The following GABBR2 variants were observed in gnomAD, a reference collection of about 807,000 sequenced individuals.
The protein encoded by GABBR2 is gamma-aminobutyric acid type B receptor subunit 2, also known as G-protein coupled receptor 51.
In GABBR2, 23 loss-of-function variants were observed where a neutral mutation model predicts 105.6. That is an observed-to-expected ratio of 0.22 (90% confidence interval 0.16 to 0.31). The LOEUF (loss-of-function observed/expected upper bound fraction) is 0.31. Ranked by LOEUF, GABBR2 falls within the 10% of genes least tolerant of loss-of-function variation. The probability of loss-of-function intolerance (pLI) is 1.00; values close to 1 mark genes in which losing one functional copy is unlikely to be tolerated. For missense variants in GABBR2, 734 were observed against 1,245.5 expected (o/e 0.59, Z 6.18); for synonymous variants, 478 against 499.7 (o/e 0.96, Z 0.58).
chr9:98,418,729 G>T (rs1832731128), intron 7 of GABBR2, among the ~76,000 whole-genome samples: 1 of 152,244 alleles, frequency 6.6e-6, no homozygotes. Context: ...GACAGATGGA[G>T]GGTGATGCCT....
chr9:98,570,156 G>T (rs1026125633), intron 2 of GABBR2, among the ~76,000 whole-genome samples: 3 of 152,146 alleles, frequency 2.0e-5, no homozygotes, highest in Non-Finnish European at 4.4e-5. Context: ...TCCCTCACAT[G>T]AACTTCTCCA....
At chr9:98,340,285 A>C (rs1831189075) in intron 13 of GABBR2, among the ~76,000 whole-genome samples, 1 of 151,846 alleles carries the variant, frequency 6.6e-6, no homozygotes, top group East Asian at 1.9e-4. Context: ...ACCCAGATTC[A>C]ATCTTAGTTC....
intron 13 of GABBR2, among the ~76,000 whole-genome samples, chr9:98,333,725 C>T (rs372318567): frequency 2.0e-5 from 3 of 152,152 alleles, no homozygotes; most frequent in South Asian, 4.1e-4. Context: ...ATGCATATAT[C>T]GTTTAGGGGG....
At chr9:98,300,290 T>C (rs1450312271) in intron 16 of GABBR2, among the ~76,000 whole-genome samples, 4 of 151,986 alleles carry the variant, frequency 2.6e-5, no homozygotes, top group East Asian at 1.9e-4. Flanking sequence ...GAGGAGTTAA[T>C]CAGGATGGGT....
chr9:98,504,376 T>A (rs1827464059), intron 3 of GABBR2, among the ~76,000 whole-genome samples: 1 of 152,166 alleles, frequency 6.6e-6, no homozygotes, highest in African/African-American at 2.4e-5. Flanking sequence ...TCCAGAGATC[T>A]CAAGGCACTC....
intron 2 of GABBR2, among the ~76,000 whole-genome samples, chr9:98,561,128 G>A (rs1828668599): frequency 6.6e-6 from 1 of 151,926 alleles, no homozygotes; most frequent in African/African-American, 2.4e-5. Context: ...ACAGGCCTAG[G>A]TTGGCTTTAT....
At chr9:98,353,863 A>C (rs1399076936) in intron 13 of GABBR2, among the ~76,000 whole-genome samples, 1 of 152,076 alleles carries the variant, frequency 6.6e-6, no homozygotes, top group African/African-American at 2.4e-5. Context: ...TTCTCACGAG[A>C]TCTAATAATT....
chr9:98,487,290 T>C (rs1827076641), intron 4 of GABBR2, among the ~76,000 whole-genome samples: 2 of 152,180 alleles, frequency 1.3e-5, no homozygotes, highest in Admixed American at 1.3e-4. Flanking sequence ...ACTCCTGGCC[T>C]GTGGGAGTGG....
chr9:98,389,112 A>G, intron 9 of GABBR2, 108 bp from the exon 10 acceptor site: 3 of 877,544 alleles, frequency 3.4e-6, no homozygotes, highest in Non-Finnish European at 5.3e-6. Context: ...CACAAACTCT[A>G]CACAAGGCAC....
intron 13 of GABBR2, among the ~76,000 whole-genome samples, chr9:98,340,508 C>A (rs1831193618): frequency 6.6e-6 from 1 of 151,958 alleles, no homozygotes; most frequent in African/African-American, 2.4e-5. Context: ...GATCCTCTTG[C>A]CTTGGCTTCC....
At chr9:98,403,625 G>A (rs1832437500) in intron 8 of GABBR2, among the ~76,000 whole-genome samples, 1 of 152,068 alleles carries the variant, frequency 6.6e-6, no homozygotes, top group South Asian at 2.1e-4. Context: ...CGCTATTAGG[G>A]GTAAATGGCA....
chr9:98,569,870 T>C (rs1828803226), intron 2 of GABBR2, among the ~76,000 whole-genome samples: 1 of 152,220 alleles, frequency 6.6e-6, no homozygotes, highest in Non-Finnish European at 1.5e-5. Context: ...TACAGTTTAA[T>C]AAAATAATCA....
At chr9:98,606,992 C>A in intron 1 of GABBR2, 2 of 863,214 alleles carry the variant, frequency 2.3e-6, no homozygotes, top group Non-Finnish European at 3.9e-6. Flanking sequence ...CCCCATGTCG[C>A]TCGGTAGCTC....
At chr9:98,423,858 AG>A (rs1432455673) in intron 7 of GABBR2, among the ~76,000 whole-genome samples, 1 of 152,224 alleles carries the variant, frequency 6.6e-6, no homozygotes, top group Non-Finnish European at 1.5e-5. Context: ...TTTATTAAAT[AG>A]GGGATCCTTT....
intron 6 of GABBR2, among the ~76,000 whole-genome samples, chr9:98,463,489 T>C (rs1012872901): frequency 1.2e-4 from 19 of 152,330 alleles, no homozygotes; most frequent in Admixed American, 1.3e-4. Context: ...TGAGTAGTTA[T>C]CAAGACTTAT....
intron 7 of GABBR2, among the ~76,000 whole-genome samples, chr9:98,408,691 G>GGGATAGCA (rs1832531633): frequency 1.3e-5 from 2 of 152,222 alleles, no homozygotes; most frequent in Non-Finnish European, 1.5e-5. Context: ...TTGATTAGGA[G>GGGATAGCA]GGATAGCAGA....
At chr9:98,479,473 T>G (rs902288782) in intron 5 of GABBR2, among the ~76,000 whole-genome samples, 1 of 152,138 alleles carries the variant, frequency 6.6e-6, no homozygotes, top group Non-Finnish European at 1.5e-5. Context: ...GGCTCCTGAG[T>G]GCCAGCCTCC....
At chr9:98,325,306 T>TTTTTG (rs1830903004) in intron 13 of GABBR2, among the ~76,000 whole-genome samples, 2 of 145,536 alleles carry the variant, frequency 1.4e-5, no homozygotes, top group Non-Finnish European at 3.0e-5. Flanking sequence ...TTTTTTTTTT[T>TTTTTG]TTTGAGACAG....
intron 7 of GABBR2, among the ~76,000 whole-genome samples, chr9:98,408,118 G>C (rs1832521861): frequency 6.6e-6 from 1 of 152,150 alleles, no homozygotes; most frequent in Non-Finnish European, 1.5e-5. Flanking sequence ...ATAGTGGGGA[G>C]CTGAAATCAA....
Sources: gnomAD v4.1 joint callset for allele counts (sites outside exome capture counted in the v4.1 genomes callset) on GRCh38, gnomAD v4.1.1 for gene constraint, MANE v1.5 for transcripts, NCBI Gene and HGNC (gene_info 2026-07-23, HGNC 2026-07-21) for gene names.